Variants in OTUD7A observed in about 807,000 individuals in gnomAD.
OTUD7A encodes the protein OTU domain-containing protein 7A.
A neutral mutation model predicts 65.7 loss-of-function variants in OTUD7A; 12 were observed. That is an observed-to-expected ratio of 0.18 (90% CI 0.12 to 0.30). The LOEUF is 0.30. Among genes scored for constraint, OTUD7A ranks in the 10% least tolerant of loss-of-function variants. OTUD7A has a pLI of 1.00. For synonymous variants in OTUD7A, 641 were observed against 586.3 expected (o/e 1.09, Z -1.35); for missense variants, 1,148 against 1,304.8 (o/e 0.88, Z 1.85).
intron 8 of OTUD7A, among the ~76,000 whole-genome samples, chr15:31,511,873 A>AT (rs1272324567): frequency 2.0e-5 from 3 of 150,104 alleles, no homozygotes; most frequent in South Asian, 4.2e-4. Context: ...GACAATGGGG[A>AT]TTTTTTACCT....
At chr15:31,528,609 G>A (rs543726671) in intron 6 of OTUD7A, among the ~76,000 whole-genome samples, 39 of 152,354 alleles carry the variant, frequency 2.6e-4, no homozygotes, top group African/African-American at 8.9e-4. Flanking sequence ...GTCACTCCTC[G>A]CTCATCCTCA....
At chr15:31,688,924 A>T (rs1892902440) in intron 1 of OTUD7A, among the ~76,000 whole-genome samples, 3 of 152,236 alleles carry the variant, frequency 2.0e-5, no homozygotes. Flanking sequence ...AGAGTCATAA[A>T]GCAAAAGAAT....
intron 4 of OTUD7A, among the ~76,000 whole-genome samples, chr15:31,569,073 T>C (rs1255049760): frequency 5.9e-5 from 9 of 152,200 alleles, no homozygotes; most frequent in Admixed American, 5.2e-4. Context: ...GCTGGCAAGA[T>C]TGAAGGGAAA....
At position 31,590,869 on chromosome 15, in the gene OTUD7A, G is replaced by A. The variant is rs182416922; in HGVS notation, c.152-20672C>T. On this transcript the variant is annotated intron_variant, in intron 3 of 12. Coordinates refer to ENST00000307050, the MANE Select transcript of OTUD7A (RefSeq NM_001382637.1). ...GGAAGGCTGGCTGGCTTGTGGCCAT[G>A]GATTCACTGAGCATACCCCCACGAG... is the stretch of plus-strand genomic sequence containing the variant. Among the ~76,000 whole-genome samples the A allele has an allele frequency of 3.9e-5, 6 of 152,302 alleles. No homozygotes were observed. The East Asian group carries it at 7.7e-4, about 20-fold the overall frequency.
rs566675136 is a variant in OTUD7A at position 31,674,304 on chromosome 15, G to A, written c.-99-17227C>T. Among the ~76,000 whole-genome samples the A allele has an allele frequency of 3.9e-5, 6 of 152,322 alleles. No individual in the cohort carries two copies. The East Asian group carries it at 1.2e-3, about 29-fold the overall frequency. ...GGGATGAAGGTGAGGGCCAGCCCTG[G>A]GGGCTGCCAGGGTGAGTAGCTTACC... On this transcript the variant is annotated intron_variant, in intron 1 of 12. Coordinates refer to ENST00000307050, the MANE Select transcript of OTUD7A (RefSeq NM_001382637.1).
At chr15:31,859,323 T>C (rs1040899638) in intron 1 of OTUD7A, among the ~76,000 whole-genome samples, 7 of 152,246 alleles carry the variant, frequency 4.6e-5, no homozygotes, top group African/African-American at 4.8e-5. Flanking sequence ...CACATGCTTA[T>C]TACTTTTTAT....
chr15:31,575,590 G>A (rs559172056), intron 3 of OTUD7A, among the ~76,000 whole-genome samples: 2 of 152,272 alleles, frequency 1.3e-5, no homozygotes, highest in South Asian at 4.1e-4. Context: ...TGGGTTGACT[G>A]AACTCTGTGA....
At chr15:31,748,780 T>C (rs1321269547) in intron 1 of OTUD7A, among the ~76,000 whole-genome samples, 1 of 152,172 alleles carries the variant, frequency 6.6e-6, no homozygotes, top group African/African-American at 2.4e-5. Context: ...AGAATATTCA[T>C]AGCAATGTTA....
intron 1 of OTUD7A, among the ~76,000 whole-genome samples, chr15:31,795,699 G>GCT (rs957518338): frequency 6.6e-6 from 1 of 152,126 alleles, no homozygotes; most frequent in African/African-American, 2.4e-5. Context: ...TGCAAATTTT[G>GCT]CTCTCTCTTT....
At chr15:31,569,496 T>C (rs1381391735) in intron 4 of OTUD7A, among the ~76,000 whole-genome samples, 1 of 152,252 alleles carries the variant, frequency 6.6e-6, no homozygotes, top group Non-Finnish European at 1.5e-5. Context: ...ACCACCAGAA[T>C]GTTATCAGCC....
At chr15:31,777,609 T>C (rs903014627) in intron 1 of OTUD7A, among the ~76,000 whole-genome samples, 5 of 152,204 alleles carry the variant, frequency 3.3e-5, no homozygotes, top group South Asian at 2.1e-4. Flanking sequence ...TGGAGTGCAG[T>C]GTAGAGGCTG....
At position 31,600,848 on chromosome 15, in the gene OTUD7A, C is replaced by T. The variant is rs189660214; in HGVS notation, c.152-30651G>A. Among the ~76,000 whole-genome samples the T allele has an allele frequency of 3.0e-4, 46 of 152,196 alleles. 1 individual carries two copies. In the East Asian group the frequency reaches 8.9e-3, roughly 29 times the overall value. ...AAACAGACTTTAAACCAACAAAGAT[C>T]AAAAGAGACAAAGAAGGGCATTACA... On this transcript the variant is annotated intron_variant, in intron 3 of 12. Transcript: ENST00000307050.
At chr15:31,514,704 G>T (rs2041816343) in intron 8 of OTUD7A, among the ~76,000 whole-genome samples, 1 of 152,230 alleles carries the variant, frequency 6.6e-6, no homozygotes, top group Admixed American at 6.5e-5. Flanking sequence ...CACCTGTGTG[G>T]CTGACATCTG....
At chr15:31,772,184 G>T (rs991278004) in intron 1 of OTUD7A, among the ~76,000 whole-genome samples, 1 of 149,434 alleles carries the variant, frequency 6.7e-6, no homozygotes, top group Non-Finnish European at 1.5e-5. Context: ...CCCGGGAGGC[G>T]GAGCTTGCAG....
intron 3 of OTUD7A, among the ~76,000 whole-genome samples, chr15:31,646,636 T>G (rs1483842246): frequency 1.3e-5 from 2 of 152,002 alleles, no homozygotes; most frequent in East Asian, 1.9e-4. Flanking sequence ...AATTTTTGTA[T>G]TTTTAGTAGA....
Position 31,483,486 on chromosome 15 carries a change from C to G in OTUD7A, c.2610G>C (p.Glu870Asp). The G allele has an allele frequency of 3.6e-6, 5 of 1,399,656 alleles. No homozygotes were observed. The highest frequency in any genetic ancestry group is 4.6e-6 in the Non-Finnish European group (5 of 1,075,690). 86.7% of individuals were successfully genotyped at this position (1,399,656 alleles called of 1,614,324 possible). A position where few individuals can be genotyped will look rare whatever the true frequency, so the allele number is the denominator to read the frequency against. The stretch of plus-strand genomic sequence containing the variant: ...CGGTCGGCGCGTCGGCGTCGGCGAA[C>G]TCCAGGCCGTCGCGCAGGGCGCCGA... ...NGFGALRDGL[E>D]FADADAPTAR... The change falls in exon 13 of 13, where the codon GAG becomes GAC. Residue 870 changes from glutamate (E) to aspartate (D), a missense_variant. Glu to Asp is a conservative substitution (Grantham distance 45, BLOSUM62 2). This residue lies in a region of OTUD7A where 842 missense variants were observed against 769.5 expected (regional missense o/e 1.09). Transcript: ENST00000307050.
chr15:31,655,639 T>C (rs1891968391), intron 2 of OTUD7A, among the ~76,000 whole-genome samples: 2 of 152,204 alleles, frequency 1.3e-5, no homozygotes, highest in African/African-American at 4.8e-5. Flanking sequence ...CTTCCCAGCC[T>C]TTAGTACTGT....
At chr15:31,845,927 C>T (rs1303562414) in intron 1 of OTUD7A, among the ~76,000 whole-genome samples, 1 of 152,198 alleles carries the variant, frequency 6.6e-6, no homozygotes, top group Admixed American at 6.5e-5. Context: ...AGCCCACAGG[C>T]CTGGGGTCTG....
chr15:31,726,982 T>C (rs1475358615), intron 1 of OTUD7A, among the ~76,000 whole-genome samples: 1 of 152,226 alleles, frequency 6.6e-6, no homozygotes, highest in Non-Finnish European at 1.5e-5. Context: ...CATCTCCCTA[T>C]TTTGACTCCT....
Sources: allele counts gnomAD v4.1 joint callset (sites outside exome capture counted in the v4.1 genomes callset), GRCh38; gene constraint gnomAD v4.1.1; regional missense constraint gnomAD v4.1.1; transcripts MANE v1.5; gene names NCBI Gene and HGNC (gene_info 2026-07-23, HGNC 2026-07-21).